The following EPHA3 variants were observed in gnomAD, a reference collection of about 807,000 sequenced individuals.
EPHA3 encodes ephrin type-A receptor 3.
Under a neutral mutation model 107.1 loss-of-function variants are expected in EPHA3, and 42 were observed. The ratio of observed to expected loss-of-function variants is 0.39; its 90% CI spans 0.31 to 0.51. EPHA3 has a LOEUF of 0.51. Ranked by LOEUF, EPHA3 falls within the 20% of genes least tolerant of loss-of-function variation. EPHA3 has a pLI of 0.78. For synonymous variants in EPHA3, 461 were observed against 424.8 expected, an observed-to-expected ratio of 1.09 and a Z score of -1.05; for missense variants, 1,183 against 1,211.2, an observed-to-expected ratio of 0.98 and a Z score of 0.35.
intron 2 of EPHA3, among the ~76,000 whole-genome samples, chr3:89,136,367 G>T (rs1258142677): frequency 1.6e-3 from 14 of 8,620 alleles, no homozygotes; most frequent in South Asian, 3.0e-3. Context: ...CCCTTTCCTT[G>T]AAACAAAATG....
intron 2 of EPHA3, among the ~76,000 whole-genome samples, chr3:89,173,097 G>A (rs1705243760): frequency 6.6e-6 from 1 of 151,962 alleles, no homozygotes; most frequent in Non-Finnish European, 1.5e-5. Context: ...ACATATAAAT[G>A]TATCCACCAA....
At chr3:89,270,190 A>G (rs1032802024) in intron 3 of EPHA3, among the ~76,000 whole-genome samples, 11 of 152,090 alleles carry the variant, frequency 7.2e-5, no homozygotes, top group African/African-American at 2.4e-4. Flanking sequence ...GGCATTCTGC[A>G]TGGTACCTGA....
intron 3 of EPHA3, among the ~76,000 whole-genome samples, chr3:89,253,262 T>A (rs1705205458): frequency 6.6e-6 from 1 of 152,122 alleles, no homozygotes; most frequent in Admixed American, 6.6e-5. Flanking sequence ...ATAAAATCCC[T>A]CAAGTGCATG....
chr3:89,446,794 A>G (rs1709885456), intron 13 of EPHA3, among the ~76,000 whole-genome samples: 1 of 152,034 alleles, frequency 6.6e-6, no homozygotes, highest in Non-Finnish European at 1.5e-5. Context: ...GTATACTTAT[A>G]TACCTTCAGT....
intron 2 of EPHA3, among the ~76,000 whole-genome samples, chr3:89,132,809 G>T (rs1225209042): frequency 6.6e-6 from 1 of 152,190 alleles, no homozygotes; most frequent in Non-Finnish European, 1.5e-5. Context: ...AAGATTGCTT[G>T]AGCCCAAGAG....
intron 2 of EPHA3, among the ~76,000 whole-genome samples, chr3:89,207,428 C>T (rs1706130885): frequency 6.6e-6 from 1 of 152,094 alleles, no homozygotes; most frequent in Non-Finnish European, 1.5e-5. Flanking sequence ...AAAACTTGAC[C>T]TCATGCGATG....
chr3:89,170,364 C>G (rs1705183673), intron 2 of EPHA3, among the ~76,000 whole-genome samples: 1 of 151,882 alleles, frequency 6.6e-6, no homozygotes, highest in Non-Finnish European at 1.5e-5. Flanking sequence ...TGTGAGATAG[C>G]TTTTATTTTA....
At chr3:89,159,332 A>G (rs1298362653) in intron 2 of EPHA3, among the ~76,000 whole-genome samples, 1 of 152,126 alleles carries the variant, frequency 6.6e-6, no homozygotes, top group African/African-American at 2.4e-5. Flanking sequence ...CAGAAAATAA[A>G]TTTACTGAAA....
chr3:89,129,267 C>T (rs1704151136), intron 2 of EPHA3, among the ~76,000 whole-genome samples: 3 of 152,118 alleles, frequency 2.0e-5, no homozygotes, highest in African/African-American at 4.8e-5. Context: ...CAGAGATCCC[C>T]ACTTGGACCC....
intron 7 of EPHA3, among the ~76,000 whole-genome samples, chr3:89,401,955 T>C (rs570083951): frequency 3.3e-5 from 5 of 152,286 alleles, no homozygotes; most frequent in African/African-American, 1.2e-4. Context: ...TCCGAAATCA[T>C]AGAATTAGCA....
chr3:89,363,534 A>C (rs1159195138), intron 5 of EPHA3, among the ~76,000 whole-genome samples: 2 of 150,800 alleles, frequency 1.3e-5, no homozygotes, highest in Non-Finnish European at 3.0e-5. Context: ...AATCTGCTTT[A>C]CTCAAAAGTG....
rs1221597412 is a variant in EPHA3 at position 89,480,663 on chromosome 3, T to G, written c.*1161T>G. Reference sequence around the variant, plus strand: ...TGGCTCACTGGCTTTGAAAAGTCACTTACTATTGTTGCTGAAACTTGCTGA... The same window carrying G: ...TGGCTCACTGGCTTTGAAAAGTCACGTACTATTGTTGCTGAAACTTGCTGA... On this transcript the variant is annotated 3_prime_UTR_variant, in exon 17 of 17. Transcript: ENST00000336596. 4.3e-6 allele frequency: 1 copy of G among 232,562 alleles called. No individual in the cohort carries two copies. The highest frequency in any genetic ancestry group is 8.5e-6 in the Non-Finnish European group (1 of 117,420). 14.4% of individuals were successfully genotyped at this position (232,562 alleles called of 1,614,324 possible).
chr3:89,285,329 G>T (rs1481467240), intron 3 of EPHA3, among the ~76,000 whole-genome samples: 1 of 152,076 alleles, frequency 6.6e-6, no homozygotes, highest in Non-Finnish European at 1.5e-5. Flanking sequence ...TAAATATTGG[G>T]AAAACACTTA....
At chr3:89,112,029 G>C (rs76814519) in intron 1 of EPHA3, among the ~76,000 whole-genome samples, 5,415 of 151,820 alleles carry the variant, frequency 0.036, 458 homozygotes, top group Admixed American at 0.21. Context: ...CTATTTTAAG[G>C]TTAAAAGTTA....
intron 2 of EPHA3, among the ~76,000 whole-genome samples, chr3:89,202,920 A>G (rs1467985470): frequency 6.6e-6 from 1 of 152,164 alleles, no homozygotes; most frequent in Non-Finnish European, 1.5e-5. Flanking sequence ...TTGTTATAAT[A>G]TCTTATCATT....
intron 5 of EPHA3, among the ~76,000 whole-genome samples, chr3:89,370,814 A>G (rs1055151837): frequency 6.6e-6 from 1 of 151,642 alleles, no homozygotes; most frequent in African/African-American, 2.4e-5. Flanking sequence ...AGGAGAAACT[A>G]AAAAGTCAAA....
chr3:89,295,457 C>T (rs1420558931), intron 3 of EPHA3, among the ~76,000 whole-genome samples: 1 of 152,140 alleles, frequency 6.6e-6, no homozygotes, highest in Admixed American at 6.6e-5. Context: ...TTCTCTGTAG[C>T]ATATAATGCC....
At chr3:89,446,074 A>G (rs534527057) in intron 13 of EPHA3, among the ~76,000 whole-genome samples, 39 of 152,348 alleles carry the variant, frequency 2.6e-4, no homozygotes, top group African/African-American at 8.9e-4. Flanking sequence ...ATAAATTACT[A>G]TACATTTTTC....
intron 3 of EPHA3, among the ~76,000 whole-genome samples, chr3:89,241,702 C>A (rs1264443083): frequency 7.2e-5 from 11 of 152,086 alleles, no homozygotes; most frequent in African/African-American, 2.2e-4. Flanking sequence ...TCTTTTATCA[C>A]CCCCCTGCAT....
Sources: allele counts gnomAD v4.1 joint callset (sites outside exome capture counted in the v4.1 genomes callset), GRCh38; gene constraint gnomAD v4.1.1; transcripts MANE v1.5; gene names NCBI Gene and HGNC (gene_info 2026-07-23, HGNC 2026-07-21).